The following TFPT variants were observed in gnomAD, a reference collection of about 807,000 sequenced individuals.
The protein encoded by TFPT is INO80 complex subunit F.
In TFPT, 27 loss-of-function variants were observed where a neutral mutation model predicts 28.8. That is an observed-to-expected ratio of 0.94 (90% CI 0.69 to 1.29). The LOEUF (loss-of-function observed/expected upper bound fraction) is 1.29. Ranked by LOEUF, TFPT falls within the 50% of genes most tolerant of loss-of-function variation. The probability of loss-of-function intolerance (pLI) is 0.00; values close to 1 mark genes in which losing one functional copy is unlikely to be tolerated. For missense variants in TFPT, 330 were observed against 338.0 expected, an observed-to-expected ratio of 0.98 and a Z score of 0.19; for synonymous variants, 152 against 142.8, an observed-to-expected ratio of 1.06 and a Z score of -0.46.
chr19:54,107,695 T>G, intron 5 of TFPT: 1 of 363,144 alleles, frequency 2.8e-6, no homozygotes, highest in Non-Finnish European at 4.9e-6. Context: ...GATCCTTCCT[T>G]CTCCTCTACT....
At chr19:54,115,003 C>T in intron 1 of TFPT, 2 of 681,488 alleles carry the variant, frequency 2.9e-6, no homozygotes, top group Non-Finnish European at 4.8e-6. Context: ...GTCCAAGCCC[C>T]AACCCTCAAC....
chr19:54,108,774 G>A (rs2073359601), intron 3 of TFPT: 2 of 661,480 alleles, frequency 3.0e-6, no homozygotes, highest in Non-Finnish European at 5.0e-6. Flanking sequence ...AGTACAGAAC[G>A]CTCCTCCTAA....
At chr19:54,113,093 CAAAAAAAAAAAA>C (rs139440012) in intron 2 of TFPT, among the ~76,000 whole-genome samples, 7 of 58,570 alleles carry the variant, frequency 1.2e-4, no homozygotes, top group East Asian at 1.1e-3. Context: ...GACTCCACCT[CAAAAAAAAAAAA>C]AAAAAAAAAA....
chr19:54,112,560 G>T (rs921619798), intron 2 of TFPT, among the ~76,000 whole-genome samples: 1 of 151,764 alleles, frequency 6.6e-6, no homozygotes, highest in Non-Finnish European at 1.5e-5. Context: ...AGGTCAAGGC[G>T]AGTGGATCAC....
intron 2 of TFPT, among the ~76,000 whole-genome samples, chr19:54,112,966 G>A (rs937163563): frequency 2.0e-5 from 3 of 151,736 alleles, no homozygotes; most frequent in African/African-American, 4.8e-5. Context: ...GGTGGCGGGC[G>A]CCTGTAATCC....
At position 54,115,271 on chromosome 19, in the gene TFPT, T is replaced by C; in HGVS notation, c.-2A>G. 6.2e-7 allele frequency: 1 copy of C among 1,613,972 alleles called. No individual in the cohort carries two copies. The highest frequency in any genetic ancestry group is 8.5e-7 in the Non-Finnish European group (1 of 1,180,012). ...CCCTTCTCTCTGCTCCAATTCCATC[T>C]CCGCGACCTCCGGAAGCCCCGGGCC... On this transcript the variant is annotated 5_prime_UTR_variant, in exon 1 of 6. Transcript: ENST00000391759.
intron 2 of TFPT, among the ~76,000 whole-genome samples, chr19:54,112,092 C>T (rs1263643116): frequency 9.9e-5 from 15 of 151,892 alleles, no homozygotes; most frequent in Admixed American, 4.6e-4. Context: ...AGAGTGAGAC[C>T]CCAACACTCA....
chr19:54,109,970 G>A, intron 3 of TFPT, 81 bp downstream of exon 3: 1 of 1,408,966 alleles, frequency 7.1e-7, no homozygotes. Context: ...TTGGGTGGAT[G>A]TGGAAGTGGG....
intron 1 of TFPT, 141 bp downstream of exon 1, chr19:54,115,106 C>T (rs2073584851): frequency 3.1e-6 from 4 of 1,302,114 alleles, no homozygotes; most frequent in Non-Finnish European, 3.3e-6. Context: ...GACCCCAGTC[C>T]ATAAAAGGGT....
At chr19:54,114,300 T>C in intron 2 of TFPT, 142 bp downstream of exon 2, 1 of 1,380,074 alleles carries the variant, frequency 7.2e-7, no homozygotes, top group African/African-American at 1.4e-5. Flanking sequence ...ACATAATGCA[T>C]GCTAAATGAC....
intron 2 of TFPT, 136 bp downstream of exon 2, chr19:54,114,306 A>G (rs587743606): frequency 7.1e-7 from 1 of 1,409,246 alleles, no homozygotes; most frequent in Admixed American, 2.3e-5. Flanking sequence ...TGCATGCTAA[A>G]TGACTGAATA....
chr19:54,107,992 C>T (rs1309141063), intron 5 of TFPT, 34 bp downstream of exon 5: 3 of 1,510,544 alleles, frequency 2.0e-6, no homozygotes, highest in South Asian at 1.3e-5. Context: ...CTCTGGAGCC[C>T]CAGTCCCTCC....
chr19:54,112,835 G>A (rs2073492242), intron 2 of TFPT, among the ~76,000 whole-genome samples: 1 of 152,034 alleles, frequency 6.6e-6, no homozygotes, highest in South Asian at 2.1e-4. Flanking sequence ...GCTCAAGCCT[G>A]TAATCCCAGC....
Position 54,115,595 on chromosome 19 carries a change from G to C in TFPT, c.-326C>G, listed in dbSNP as rs866679232. 1 of 489,018 alleles carries C rather than the reference G, an allele frequency of 2.0e-6. No homozygotes were observed. The highest frequency in any genetic ancestry group is 3.7e-6 in the Non-Finnish European group (1 of 273,864). 30.3% of individuals were successfully genotyped at this position (489,018 alleles called of 1,614,324 possible). A position where few individuals can be genotyped will look rare whatever the true frequency, so the allele number is the denominator to read the frequency against. Reference sequence around the variant, plus strand: ...TGCTTAGCAGGATCGGTCCACAGCGGGACGTGAGTCCCTTTCCTCCTCGCG... The same window carrying C: ...TGCTTAGCAGGATCGGTCCACAGCGCGACGTGAGTCCCTTTCCTCCTCGCG... On this transcript the variant is annotated 5_prime_UTR_variant, in exon 1 of 6. Coordinates refer to ENST00000391759, the MANE Select transcript of TFPT (RefSeq NM_013342.4).
chr19:54,114,764 AC>A, intron 1 of TFPT, 64 bp from the exon 2 acceptor site: 1 of 1,453,024 alleles, frequency 6.9e-7, no homozygotes, highest in Non-Finnish European at 9.1e-7. Context: ...CTCCCACTGA[AC>A]CAGGAGCCCA....
intron 2 of TFPT, among the ~76,000 whole-genome samples, chr19:54,111,997 G>A (rs750275831): frequency 1.3e-5 from 2 of 151,806 alleles, no homozygotes; most frequent in Non-Finnish European, 2.9e-5. Flanking sequence ...AAGAGTTCAA[G>A]TTTTGGCTCT....
At chr19:54,115,024 A>C (rs751047705) in intron 1 of TFPT, 77 of 713,816 alleles carry the variant, frequency 1.1e-4, no homozygotes, top group South Asian at 8.6e-4. Flanking sequence ...CAGACGCAAG[A>C]GTCCTGGCTT....
intron 5 of TFPT, 188 bp from the exon 6 acceptor site, chr19:54,107,357 T>C: frequency 2.8e-6 from 2 of 716,132 alleles, no homozygotes; most frequent in Non-Finnish European, 4.5e-6. Context: ...CAAGTGATCC[T>C]CCCACCTCAG....
chr19:54,108,510 C>T, intron 3 of TFPT, 115 bp from the exon 4 acceptor site: 1 of 1,613,302 alleles, frequency 6.2e-7, no homozygotes, highest in South Asian at 1.1e-5. Flanking sequence ...GTCCTGGAGC[C>T]AGACGGTCCT....
Sources: gnomAD v4.1 joint callset for allele counts (sites outside exome capture counted in the v4.1 genomes callset) on GRCh38, gnomAD v4.1.1 for gene constraint, MANE v1.5 for transcripts, NCBI Gene and HGNC (gene_info 2026-07-23, HGNC 2026-07-21) for gene names.